KATNAL2: variants seen among roughly 807,000 people sequenced by gnomAD.
KATNAL2 encodes katanin catalytic subunit A1 like 2.
A neutral mutation model predicts 76.3 loss-of-function variants in KATNAL2; 52 were observed. That is an observed-to-expected ratio of 0.68 (90% confidence interval 0.55 to 0.86). KATNAL2 has a LOEUF of 0.86. KATNAL2 is among the 40% of genes least tolerant of loss of function. The probability of loss-of-function intolerance (pLI) is 0.00; values close to 1 mark genes in which losing one functional copy is unlikely to be tolerated. For missense variants in KATNAL2, 660 were observed against 668.9 expected, an observed-to-expected ratio of 0.99 and a Z score of 0.15; for synonymous variants, 243 against 244.2, an observed-to-expected ratio of 1.00 and a Z score of 0.05.
intron 15 of KATNAL2, among the ~76,000 whole-genome samples, chr18:47,082,619 G>C (rs2062582278): frequency 1.3e-5 from 2 of 151,964 alleles, no homozygotes; most frequent in African/African-American, 4.8e-5. Context: ...GTTCTTCCTT[G>C]CTCCCTTTAT....
At position 47,101,540 on chromosome 18, in the gene KATNAL2, T is replaced by C. The variant is rs891907715; in HGVS notation, c.*535T>C. The C allele has an allele frequency of 4.5e-5, 7 of 154,452 alleles. No individual in the cohort carries two copies. The highest frequency in any genetic ancestry group is 1.4e-4 in the African/African-American group (6 of 41,436). 9.6% of individuals were successfully genotyped at this position (154,452 alleles called of 1,614,324 possible). ...CCCCTAATTCTGACTCCATCCAGCT[T>C]TGTCAGCAGCAAACCCCTCCCAAAC... On this transcript the variant is annotated 3_prime_UTR_variant, in exon 18 of 18. Coordinates refer to ENST00000683218, the MANE Select transcript of KATNAL2 (RefSeq NM_001387690.1).
At chr18:47,067,511 T>G (rs1246033780) in intron 11 of KATNAL2, among the ~76,000 whole-genome samples, 2 of 152,134 alleles carry the variant, frequency 1.3e-5, no homozygotes, top group African/African-American at 4.8e-5. Context: ...CCCCCTGACC[T>G]ACCCTCCCCA....
intron 3 of KATNAL2, among the ~76,000 whole-genome samples, chr18:46,952,589 G>A (rs576011721): frequency 3.3e-4 from 50 of 151,898 alleles, no homozygotes; most frequent in South Asian, 2.7e-3. Flanking sequence ...TAGTAGAGAC[G>A]GAAGTTTAAC....
At chr18:46,961,195 C>A (rs907622434) in intron 3 of KATNAL2, among the ~76,000 whole-genome samples, 6 of 152,048 alleles carry the variant, frequency 3.9e-5, no homozygotes, top group African/African-American at 9.7e-5. Flanking sequence ...TGGCTCCAGG[C>A]CATCTGGCTA....
At chr18:46,926,164 T>G (rs1250231631) in intron 1 of KATNAL2, among the ~76,000 whole-genome samples, 7 of 152,214 alleles carry the variant, frequency 4.6e-5, no homozygotes, top group African/African-American at 9.6e-5. Context: ...CTAGTTCTTT[T>G]AATTGTGATG....
At chr18:46,955,328 T>C (rs537817100) in intron 3 of KATNAL2, among the ~76,000 whole-genome samples, 2 of 151,536 alleles carry the variant, frequency 1.3e-5, no homozygotes, top group African/African-American at 4.8e-5. Flanking sequence ...GTGATTCTCC[T>C]GCCTCAGCCT....
Position 47,054,434 on chromosome 18 carries a change from A to G in KATNAL2, c.328A>G (p.Arg110Gly), listed in dbSNP as rs1345231511. 3 of 1,613,538 alleles carry G rather than the reference A, an allele frequency of 1.9e-6. No homozygotes were observed. The highest frequency in any genetic ancestry group is 2.5e-6 in the Non-Finnish European group (3 of 1,179,550). ...ACCGCAAAGAAGTAGAGGGAAGACC[A>G]GAAGGTAAAGTGAATGGTAATTCTT... Reference protein sequence around the residue: ...NLPQRSRGKTRRMMNDSCQNL... With the variant: ...NLPQRSRGKTGRMMNDSCQNL... Residue 110 changes from arginine to glycine, a missense_variant, in exon 6 of 18, where the codon AGA becomes GGA. By Grantham distance (125) the Arg-to-Gly change is moderately radical. Coordinates refer to ENST00000683218, the MANE Select transcript of KATNAL2 (RefSeq NM_001387690.1).
At chr18:47,077,835 ACT>A (rs2062312136) in intron 15 of KATNAL2, among the ~76,000 whole-genome samples, 1 of 152,214 alleles carries the variant, frequency 6.6e-6, no homozygotes, top group Non-Finnish European at 1.5e-5. Flanking sequence ...TTAAAATTAA[ACT>A]TTTTTAAGTT....
chr18:47,074,806 G>A (rs1207696598), intron 13 of KATNAL2, among the ~76,000 whole-genome samples: 1 of 152,172 alleles, frequency 6.6e-6, no homozygotes, highest in African/African-American at 2.4e-5. Context: ...TGTCAGCCTT[G>A]TTACCCATGA....
chr18:46,951,921 G>A (rs774793034), intron 3 of KATNAL2, among the ~76,000 whole-genome samples: 36 of 151,988 alleles, frequency 2.4e-4, no homozygotes, highest in Non-Finnish European at 4.6e-4. Context: ...TTACAGGGGT[G>A]CGCCACCATG....
chr18:46,953,445 C>G (rs2059628006), intron 3 of KATNAL2, among the ~76,000 whole-genome samples: 1 of 152,126 alleles, frequency 6.6e-6, no homozygotes, highest in African/African-American at 2.4e-5. Context: ...TCGAGACCAG[C>G]CTGGGCAACG....
intron 15 of KATNAL2, among the ~76,000 whole-genome samples, chr18:47,093,810 TTG>T (rs1224206349): frequency 2.6e-4 from 40 of 152,250 alleles, no homozygotes; most frequent in Admixed American, 2.6e-3. Flanking sequence ...ATGCCTGGCC[TTG>T]TGTGTCTTTC....
intron 3 of KATNAL2, chr18:47,035,037 C>T (rs142465634): frequency 1.6e-4 from 251 of 1,611,812 alleles, no homozygotes; most frequent in African/African-American, 1.0e-3. Flanking sequence ...CCACGAGCAC[C>T]AGCTTCTTCC....
intron 13 of KATNAL2, among the ~76,000 whole-genome samples, chr18:47,070,809 G>A (rs953753592): frequency 6.6e-6 from 1 of 152,084 alleles, no homozygotes; most frequent in Non-Finnish European, 1.5e-5. Flanking sequence ...GTAAGCTTAT[G>A]TAAATTCTTG....
At chr18:46,955,745 G>T (rs1021845894) in intron 3 of KATNAL2, among the ~76,000 whole-genome samples, 9 of 152,032 alleles carry the variant, frequency 5.9e-5, no homozygotes, top group African/African-American at 2.2e-4. Context: ...AGAGATGGGG[G>T]TCTCCTTATG....
At chr18:46,925,819 G>A (rs1481196792) in intron 1 of KATNAL2, among the ~76,000 whole-genome samples, 1 of 152,118 alleles carries the variant, frequency 6.6e-6, no homozygotes, top group East Asian at 1.9e-4. Context: ...TTGGGAGGAT[G>A]TATGTGTCGA....
intron 7 of KATNAL2, among the ~76,000 whole-genome samples, chr18:47,058,769 G>C (rs953286673): frequency 1.3e-4 from 20 of 152,168 alleles, no homozygotes; most frequent in Non-Finnish European, 5.9e-5. Flanking sequence ...GCCAGGCATA[G>C]CCTACACTAC....
At chr18:46,938,976 A>G (rs1477327893) in intron 1 of KATNAL2, among the ~76,000 whole-genome samples, 1 of 152,216 alleles carries the variant, frequency 6.6e-6, no homozygotes, top group African/African-American at 2.4e-5. Flanking sequence ...CAGTGAAGGC[A>G]GGGACTTTAT....
At chr18:47,082,735 C>T (rs1009640876) in intron 15 of KATNAL2, among the ~76,000 whole-genome samples, 5 of 152,156 alleles carry the variant, frequency 3.3e-5, no homozygotes, top group South Asian at 4.2e-4. Flanking sequence ...AGAATGCTGC[C>T]GTGAGCAGCA....
Sources: allele counts gnomAD v4.1 joint callset (sites outside exome capture counted in the v4.1 genomes callset), GRCh38; gene constraint gnomAD v4.1.1; transcripts MANE v1.5; gene names NCBI Gene and HGNC (gene_info 2026-07-23, HGNC 2026-07-21).